The following ACACA variants were observed in gnomAD, a reference collection of about 807,000 sequenced individuals.
The protein encoded by ACACA is acetyl-CoA carboxylase alpha, also known as acetyl-CoA carboxylase 1.
ACACA carries 103 observed loss-of-function variants against 296.1 expected under a neutral mutation model. That is an observed-to-expected ratio of 0.35 (90% CI 0.30 to 0.41). The LOEUF (loss-of-function observed/expected upper bound fraction) is 0.41, where lower values mean the gene tolerates loss of function less well. ACACA is among the 10% of genes least tolerant of loss of function. The pLI is 1.00. For missense variants in ACACA, 1,554 were observed against 2,989.7 expected (o/e 0.52, Z 11.20); for synonymous variants, 953 against 1,038.6 (o/e 0.92, Z 1.58).
intron 29 of ACACA, among the ~76,000 whole-genome samples, chr17:37,215,669 G>T (rs2078948994): frequency 6.6e-6 from 1 of 151,820 alleles, no homozygotes; most frequent in South Asian, 2.1e-4. Context: ...TCAATGAATT[G>T]TGCAAAATAC....
At chr17:37,271,472 G>A (rs1422409754) in intron 9 of ACACA, among the ~76,000 whole-genome samples, 5 of 151,966 alleles carry the variant, frequency 3.3e-5, no homozygotes, top group African/African-American at 7.3e-5. Flanking sequence ...CCAAGATCAC[G>A]CCATTGCACT....
At chr17:37,099,982 AAAAT>A (rs540960698) in intron 52 of ACACA, among the ~76,000 whole-genome samples, 38 of 152,322 alleles carry the variant, frequency 2.5e-4, no homozygotes, top group African/African-American at 9.1e-4. Context: ...AATGAACACT[AAAAT>A]AAATAATGAT....
At chr17:37,261,078 G>C (rs2081494849) in intron 11 of ACACA, among the ~76,000 whole-genome samples, 1 of 152,122 alleles carries the variant, frequency 6.6e-6, no homozygotes, top group Non-Finnish European at 1.5e-5. Context: ...TCCTTGTTGG[G>C]ATAACACAAC....
chr17:37,394,032 T>C (rs1403456835), intron 1 of ACACA, among the ~76,000 whole-genome samples: 5 of 152,018 alleles, frequency 3.3e-5, no homozygotes, highest in Non-Finnish European at 7.4e-5. Flanking sequence ...ATGGGAGAGA[T>C]GGCAGAGGAG....
At chr17:37,260,290 A>ATT (rs2081435491) in intron 11 of ACACA, among the ~76,000 whole-genome samples, 1 of 17,552 alleles carries the variant, frequency 5.7e-5, no homozygotes, top group Non-Finnish European at 1.0e-4. Context: ...ATATATATAT[A>ATT]TATATATTTT....
intron 3 of ACACA, among the ~76,000 whole-genome samples, chr17:37,312,928 C>T (rs888282300): frequency 6.6e-6 from 1 of 151,964 alleles, no homozygotes; most frequent in Non-Finnish European, 1.5e-5. Context: ...TGACATGACA[C>T]AATTAGTGGG....
chr17:37,387,265 A>G (rs2050581766), intron 1 of ACACA: 1 of 152,052 alleles, frequency 6.6e-6, no homozygotes, highest in Admixed American at 6.6e-5. Flanking sequence ...GATTACAGGC[A>G]TGCACCACCA....
chr17:37,162,601 C>T (rs1385561579), intron 41 of ACACA: 1 of 270,702 alleles, frequency 3.7e-6, no homozygotes, highest in South Asian at 4.0e-5. Context: ...TGAAAGCAAG[C>T]ATGAAGAGAG....
chr17:37,188,739 C>T (rs1598115136), intron 38 of ACACA, among the ~76,000 whole-genome samples: 1 of 152,240 alleles, frequency 6.6e-6, no homozygotes, highest in East Asian at 1.9e-4. Flanking sequence ...AACTCCTTCC[C>T]CTTTCCCAAT....
At chr17:37,291,137 A>AACACACACACAC (rs1487554527) in intron 3 of ACACA, among the ~76,000 whole-genome samples, 194 of 81,192 alleles carry the variant, frequency 2.4e-3, no homozygotes, top group African/African-American at 0.014. Context: ...GCTGATGAAA[A>AACACACACACAC]ACACATACAC....
chr17:37,129,498 T>G lies in ACACA; in HGVS notation c.5824-13A>C. On this transcript the variant is annotated splice_polypyrimidine_tract_variant and intron_variant, in intron 46 of 55. Transcript: ENST00000616317. ...AACTGTGCACGCTCTAAAAGGAGAT[T>G]GGAAGAGAGCACAGCAATCAGTGAA... The G allele has an allele frequency of 6.2e-7, 1 of 1,613,802 alleles. No individual in the cohort carries two copies. Among genetic ancestry groups the G allele is most frequent in the Non-Finnish European group, 8.5e-7 (1 of 1,179,858 alleles).
chr17:37,322,694 G>A (rs531391383), intron 3 of ACACA, among the ~76,000 whole-genome samples: 1 of 152,278 alleles, frequency 6.6e-6, no homozygotes, highest in East Asian at 1.9e-4. Flanking sequence ...CAGACCAGCA[G>A]ACACCAGCAG....
chr17:37,092,273 CAA>C (rs34799022), intron 54 of ACACA, among the ~76,000 whole-genome samples: 35 of 104,662 alleles, frequency 3.3e-4, no homozygotes, highest in Non-Finnish European at 3.7e-4. Context: ...TAGAGTGAGA[CAA>C]AAAAAAAAAA....
chr17:37,400,666 G>T (rs2051250065), intron 1 of ACACA, among the ~76,000 whole-genome samples: 1 of 151,964 alleles, frequency 6.6e-6, no homozygotes, highest in South Asian at 2.1e-4. Flanking sequence ...TGTCCTCCAG[G>T]TCCATCTATG....
intron 1 of ACACA, among the ~76,000 whole-genome samples, chr17:37,401,345 A>C (rs914767875): frequency 2.0e-5 from 3 of 151,416 alleles, no homozygotes; most frequent in Non-Finnish European, 2.9e-5. Flanking sequence ...AGCGCCCGCC[A>C]CCACGCCCAG....
At position 37,192,147 on chromosome 17, in the gene ACACA, C is replaced by T. The variant is rs774980263; in HGVS notation, c.4359G>A (p.Val1453=). The T allele has an allele frequency of 2.5e-6, 4 of 1,613,974 alleles. No individual in the cohort carries two copies. Among genetic ancestry groups the T allele is most frequent in the Non-Finnish European group, 3.4e-6 (4 of 1,180,028 alleles). The change falls in exon 37 of 56, where the codon GTG becomes GTA. Residue 1453 remains valine (V), a synonymous_variant. Coordinates refer to ENST00000616317, the MANE Select transcript of ACACA (RefSeq NM_198834.3). ...CACGAACAAAGAACCTGTAGTCTGT[C>T]ACTTCTGTGCCCACTTCCACCTTGG... ...GAAKVEVGTE[V]TDYRFFVRAI...
chr17:37,213,348 CAA>C (rs11353673), intron 29 of ACACA, among the ~76,000 whole-genome samples: 3,505 of 78,582 alleles, frequency 0.045, 61 homozygotes, highest in African/African-American at 0.074. Flanking sequence ...AAGTAAGTCT[CAA>C]AAAAAAAAAA....
At chr17:37,118,860 ATTG>A (rs775377991) in intron 50 of ACACA, among the ~76,000 whole-genome samples, 2 of 152,172 alleles carry the variant, frequency 1.3e-5, no homozygotes, top group African/African-American at 2.4e-5. Context: ...ATGAATCTTA[ATTG>A]TTGTTGTTCT....
chr17:37,361,507 A>C (rs1334769247), intron 1 of ACACA, among the ~76,000 whole-genome samples: 1 of 152,196 alleles, frequency 6.6e-6, no homozygotes, highest in East Asian at 1.9e-4. Context: ...CTGGCCAAAG[A>C]AAGTCCTAAT....
Sources: gnomAD v4.1 joint callset for allele counts (sites outside exome capture counted in the v4.1 genomes callset) on GRCh38, gnomAD v4.1.1 for gene constraint, MANE v1.5 for transcripts, NCBI Gene and HGNC (gene_info 2026-07-23, HGNC 2026-07-21) for gene names.